VWA8: variants seen among roughly 807,000 people sequenced by gnomAD.
VWA8 encodes von Willebrand factor A domain-containing protein 8.
A neutral mutation model predicts 241.5 loss-of-function variants in VWA8; 221 were observed. That is an observed-to-expected ratio of 0.91 (90% CI 0.82 to 1.02). The LOEUF (loss-of-function observed/expected upper bound fraction) is 1.02. VWA8 is among the 50% of genes least tolerant of loss of function. The pLI, the probability that VWA8 is intolerant of heterozygous loss-of-function variation, is 0.00. For missense variants in VWA8, 2,322 were observed against 2,328.7 expected (o/e 1.00, Z 0.06); for synonymous variants, 852 against 827.1 (o/e 1.03, Z -0.52).
At chr13:41,827,576 C>A (rs942366467) in intron 14 of VWA8, among the ~76,000 whole-genome samples, 3 of 152,034 alleles carry the variant, frequency 2.0e-5, no homozygotes, top group African/African-American at 7.2e-5. Context: ...GCTCTAGTTT[C>A]GTGCATGTTT....
intron 1 of VWA8, among the ~76,000 whole-genome samples, chr13:41,958,279 T>G (rs980760064): frequency 6.6e-6 from 1 of 152,214 alleles, no homozygotes; most frequent in East Asian, 1.9e-4. Flanking sequence ...CTTCTCTGTA[T>G]GAACTTTCAC....
intron 35 of VWA8, among the ~76,000 whole-genome samples, chr13:41,681,188 T>C (rs12100147): frequency 0.055 from 8,362 of 152,220 alleles, 720 homozygotes; most frequent in African/African-American, 0.19. Context: ...TTCCCTCTTA[T>C]CCTAGATGTT....
Position 41,883,421 on chromosome 13 carries a change from T to C in VWA8, c.1046A>G (p.His349Arg), listed in dbSNP as rs773735210. 5 of 1,613,642 alleles carry C rather than the reference T, an allele frequency of 3.1e-6. No homozygotes were observed. Reference protein sequence around the residue: ...WLYPYSILLGHEGKMAVEGVL... With the variant: ...WLYPYSILLGREGKMAVEGVL... ...ACCTTCCACAGCCATCTTCCCTTCATGACCTAGTAAAATACTATATGGATA... is the reference window on the plus strand; with the variant it reads ...ACCTTCCACAGCCATCTTCCCTTCACGACCTAGTAAAATACTATATGGATA... Residue 349 changes from histidine (H) to arginine (R), a missense_variant, in exon 9 of 45, where the codon CAT becomes CGT. Physicochemically the swap from His to Arg is conservative, Grantham distance 29. Transcript: ENST00000379310.
Position 41,861,683 on chromosome 13 carries a change from C to A in VWA8, c.1425+4053G>T, listed in dbSNP as rs1261456394. On this transcript the variant is annotated intron_variant, in intron 12 of 44. Coordinates refer to ENST00000379310, the MANE Select transcript of VWA8 (RefSeq NM_015058.2). ...CAAACTGAAAGCCAAATCAAGAACA[C>A]AATCCCATTTACAACAGCCACAGAA... Among the ~76,000 whole-genome samples, 3 of 152,116 alleles carry A rather than the reference C, an allele frequency of 2.0e-5. No homozygotes were observed. In the East Asian group the frequency reaches 5.8e-4, roughly 29 times the overall value.
At chr13:41,828,953 G>A (rs1056157261) in intron 14 of VWA8, among the ~76,000 whole-genome samples, 1 of 151,948 alleles carries the variant, frequency 6.6e-6, no homozygotes, top group African/African-American at 2.4e-5. Context: ...GTTTAAATAA[G>A]CTACAATGGG....
chr13:41,885,352 T>C (rs1874470604), intron 8 of VWA8, among the ~76,000 whole-genome samples: 1 of 152,262 alleles, frequency 6.6e-6, no homozygotes, highest in Non-Finnish European at 1.5e-5. Context: ...GAAACTGTAG[T>C]GGACAATGTC....
rs527251152 is a variant in VWA8, at chr13:41,844,504, G to A, written c.1426-10973C>T. 2.9e-4 allele frequency among the ~76,000 whole-genome samples: 44 copies of A among 152,062 alleles called. 1 individual carries two copies. Among genetic ancestry groups the A allele is most frequent in the Non-Finnish European group, 1.3e-4 (9 of 67,990 alleles). ...AGTCCTAGCCAGAGCAATCAGGCAA[G>A]ACAAAGAAATAAAAGGCATCCAAAT... On this transcript the variant is annotated intron_variant, in intron 12 of 44. Transcript: ENST00000379310.
At chr13:41,927,017 G>A in intron 2 of VWA8, 1 of 417,992 alleles carries the variant, frequency 2.4e-6, no homozygotes, top group Non-Finnish European at 4.7e-6. Context: ...CCGCTCTAAA[G>A]AGAATCTGTC....
At chr13:41,940,250 G>A (rs1593885193) in intron 2 of VWA8, among the ~76,000 whole-genome samples, 1 of 152,034 alleles carries the variant, frequency 6.6e-6, no homozygotes, top group East Asian at 1.9e-4. Flanking sequence ...TGTTTCACTT[G>A]AAAAGTGAAA....
chr13:41,899,785 A>G (rs1875332371), intron 4 of VWA8, among the ~76,000 whole-genome samples: 2 of 152,234 alleles, frequency 1.3e-5, no homozygotes, highest in Non-Finnish European at 2.9e-5. Flanking sequence ...GTGCCATACC[A>G]TATATCTCAG....
intron 37 of VWA8, among the ~76,000 whole-genome samples, chr13:41,661,393 G>C (rs184770959): frequency 3.5e-4 from 53 of 152,256 alleles, no homozygotes; most frequent in African/African-American, 1.2e-3. Flanking sequence ...ACTAGGTAGT[G>C]AAAGTTGGTA....
chr13:41,917,972 TA>T (rs1454638400), intron 2 of VWA8, among the ~76,000 whole-genome samples: 1 of 152,110 alleles, frequency 6.6e-6, no homozygotes, highest in African/African-American at 2.4e-5. Flanking sequence ...GCTCATCTGC[TA>T]AACTTTCCCC....
chr13:41,822,864 A>G (rs939259523), intron 14 of VWA8, among the ~76,000 whole-genome samples: 1 of 152,158 alleles, frequency 6.6e-6, no homozygotes, highest in African/African-American at 2.4e-5. Context: ...AAGAGCACAC[A>G]CTATGTGATT....
chr13:41,578,844 A>C (rs546592487), intron 42 of VWA8, among the ~76,000 whole-genome samples: 1 of 152,366 alleles, frequency 6.6e-6, no homozygotes, highest in African/African-American at 2.4e-5. Context: ...ATTAAGCCAC[A>C]GTAGTAAAGA....
intron 37 of VWA8, among the ~76,000 whole-genome samples, chr13:41,634,697 A>C (rs1021031229): frequency 1.3e-5 from 2 of 150,664 alleles, no homozygotes; most frequent in African/African-American, 5.0e-5. Flanking sequence ...TCGTTTCTTC[A>C]TCTTCAAAGT....
At chr13:41,941,369 T>C (rs1192108272) in intron 2 of VWA8, among the ~76,000 whole-genome samples, 1 of 152,202 alleles carries the variant, frequency 6.6e-6, no homozygotes, top group East Asian at 1.9e-4. Context: ...ACTAATGCTA[T>C]CCTCTGTTGA....
rs1305446651 is a variant in VWA8 at position 41,685,072 on chromosome 13, G to A, written c.4302C>T (p.Val1434=). ...CTTTTGGGTAGATATCTTTTAGAGG[G>A]ACTTCTCCTGGGGGTAAAATCCTCA... is the stretch of plus-strand genomic sequence containing the variant. ...QVVRILPPGE[V]PLKDIYPKDV... Residue 1434 remains valine, a synonymous_variant, in exon 35 of 45, where the codon GTC becomes GTT. Coordinates refer to ENST00000379310, the MANE Select transcript of VWA8 (RefSeq NM_015058.2). 6.2e-7 allele frequency: 1 copy of A among 1,613,250 alleles called. No homozygotes were observed. The highest frequency in any genetic ancestry group is 1.3e-5 in the African/African-American group (1 of 74,830).
Position 41,670,397 on chromosome 13 carries a change from C to T in VWA8, c.4611+549G>A, listed in dbSNP as rs116188284. Among the ~76,000 whole-genome samples the T allele has an allele frequency of 1.9e-3, 288 of 150,934 alleles. 1 individual carries two copies. The highest frequency in any genetic ancestry group is 8.0e-3 in the East Asian group (41 of 5,156). The stretch of plus-strand genomic sequence containing the variant: ...TTCTTTTCACTTTGGTGGCCTGTTC[C>T]CATATTTTTCTCCAGTGCAGGGTTG... On this transcript the variant is annotated intron_variant, in intron 37 of 44. Coordinates refer to ENST00000379310, the MANE Select transcript of VWA8 (RefSeq NM_015058.2).
At chr13:41,661,985 T>C (rs1048360105) in intron 37 of VWA8, among the ~76,000 whole-genome samples, 2 of 152,210 alleles carry the variant, frequency 1.3e-5, no homozygotes, top group Non-Finnish European at 2.9e-5. Context: ...GGACAGTCTA[T>C]TCTGTTTCAT....
Sources: gnomAD v4.1 joint callset for allele counts (sites outside exome capture counted in the v4.1 genomes callset) on GRCh38, gnomAD v4.1.1 for gene constraint, MANE v1.5 for transcripts, NCBI Gene and HGNC (gene_info 2026-07-23, HGNC 2026-07-21) for gene names.